The following FAM227A variants were observed in gnomAD, a reference collection of about 807,000 sequenced individuals.
The protein encoded by FAM227A is family with sequence similarity 227 member A.
A neutral mutation model predicts 74.7 loss-of-function variants in FAM227A; 80 were observed. The ratio of observed to expected loss-of-function variants is 1.07; its 90% confidence interval spans 0.89 to 1.29. FAM227A has a LOEUF of 1.29. FAM227A is among the 50% of genes most tolerant of loss of function. FAM227A has a pLI of 0.00. For missense variants in FAM227A, 654 were observed against 683.4 expected, an observed-to-expected ratio of 0.96 and a Z score of 0.48; for synonymous variants, 237 against 241.8, an observed-to-expected ratio of 0.98 and a Z score of 0.19.
intron 11 of FAM227A, among the ~76,000 whole-genome samples, chr22:38,608,556 G>A (rs1328037619): frequency 1.3e-5 from 2 of 151,554 alleles, no homozygotes; most frequent in Non-Finnish European, 2.9e-5. Context: ...TCAGCCTCCC[G>A]AGTAGCTAGG....
intron 2 of FAM227A, among the ~76,000 whole-genome samples, chr22:38,648,045 G>GTA (rs2092268646): frequency 6.6e-6 from 1 of 152,168 alleles, no homozygotes. Context: ...TGGCTTGAAG[G>GTA]TAAATGAGCT....
At position 38,597,235 on chromosome 22, in the gene FAM227A, G is replaced by A; in HGVS notation, c.1501C>T (p.His501Tyr). ...AAGTTGTCTTGCAGCTCCTTTAGAT[G>A]CTTGTCAAAATAATTCCATTCAGTC... is the stretch of plus-strand genomic sequence containing the variant. ...HWTEWNYFDK[H>Y]LKELQDNFSR... is the part of the protein sequence containing the mutation. The change falls in exon 15 of 17, where the codon CAT becomes TAT. Residue 501 changes from histidine (H) to tyrosine (Y), a missense_variant. Physicochemically the swap from His to Tyr is moderately conservative, Grantham distance 83 (BLOSUM62 2). Transcript: ENST00000535113. The A allele has an allele frequency of 3.9e-6, 6 of 1,552,258 alleles. No homozygotes were observed. Among genetic ancestry groups the A allele is most frequent in the South Asian group, 1.2e-5 (1 of 84,054 alleles).
chr22:38,652,792 G>C (rs1225815934), intron 1 of FAM227A, among the ~76,000 whole-genome samples: 1 of 149,502 alleles, frequency 6.7e-6, no homozygotes, highest in Non-Finnish European at 1.5e-5. Context: ...CAGGAGAATG[G>C]CGTGAACCTG....
chr22:38,590,981 C>T (rs2146142283), intron 16 of FAM227A, among the ~76,000 whole-genome samples: 1 of 152,200 alleles, frequency 6.6e-6, no homozygotes, highest in East Asian at 1.9e-4. Flanking sequence ...GATGGGGTTT[C>T]ACCATGTTGG....
rs760192624 is a variant in FAM227A, at chr22:38,605,329, C to T, written c.1146G>A (p.Leu382=). ...NTAKEHHCQT[L]VLKKPTQEVK... Reference sequence around the variant, plus strand: ...CTTCTTGCGTAGGTTTCTTCAAGACCAGGGTCTGACAATGATGCTCTGTCA... The same window carrying T: ...CTTCTTGCGTAGGTTTCTTCAAGACTAGGGTCTGACAATGATGCTCTGTCA... Residue 382 remains leucine, a synonymous_variant, in exon 13 of 17, where the codon CTG becomes CTA. Transcript: ENST00000535113. The T allele has an allele frequency of 1.9e-6, 3 of 1,547,654 alleles. No homozygotes were observed. Among genetic ancestry groups the T allele is most frequent in the Admixed American group, 3.9e-5 (2 of 50,982 alleles).
intron 11 of FAM227A, among the ~76,000 whole-genome samples, chr22:38,613,084 A>ATATATTATATATAAT (rs2091453703): frequency 1.1e-5 from 1 of 87,210 alleles, no homozygotes; most frequent in East Asian, 2.7e-4. Flanking sequence ...ATATATAATT[A>ATATATTATATATAAT]TATATATATA....
Position 38,579,676 on chromosome 22 carries a change from T to TTC in FAM227A, c.*6447_*6448dup, listed in dbSNP as rs1019225993. 1.3e-4 allele frequency: 20 copies of TTC among 152,330 alleles called. No homozygotes were observed. Among genetic ancestry groups the TTC allele is most frequent in the African/African-American group, 4.6e-4 (19 of 41,574 alleles). 9.4% of individuals were successfully genotyped at this position (152,330 alleles called of 1,614,324 possible). A position where few individuals can be genotyped will look rare whatever the true frequency, so the allele number is the denominator to read the frequency against. On this transcript the variant is annotated 3_prime_UTR_variant, in exon 17 of 17. Coordinates refer to ENST00000535113, the MANE Select transcript of FAM227A (RefSeq NM_001013647.2). The stretch of plus-strand genomic sequence containing the variant: ...TGTTTCACCTATACCTCCATCCACT[T>TTC]TCTCTCTCCCATATTATTTGAGTAC...
chr22:38,620,288 C>G lies in FAM227A; in HGVS notation c.962G>C (p.Arg321Thr). 6.5e-7 allele frequency: 1 copy of G among 1,550,308 alleles called. No individual in the cohort carries two copies. Among genetic ancestry groups the G allele is most frequent in the Middle Eastern group, 1.7e-4 (1 of 5,970 alleles). Residue 321 changes from arginine to threonine, a missense_variant, in exon 11 of 17, where the codon AGA (arginine) becomes ACA (threonine). Transcript: ENST00000535113. The stretch of plus-strand genomic sequence containing the variant: ...CTTACCAGCAAACAAAGAAAACTCT[C>G]TCCCTATAGAAGGGGAAAAGCTGTT... ...MLYRRRLTKG[R>T]EFSLFAGKRA...
At chr22:38,654,668 C>T (rs1438767895) in intron 1 of FAM227A, among the ~76,000 whole-genome samples, 5 of 150,792 alleles carry the variant, frequency 3.3e-5, no homozygotes, top group African/African-American at 9.8e-5. Flanking sequence ...CGGTGGCTCA[C>T]GCCTGTAATC....
intron 11 of FAM227A, among the ~76,000 whole-genome samples, chr22:38,613,107 A>G (rs1299812067): frequency 2.5e-4 from 23 of 91,888 alleles, no homozygotes; most frequent in African/African-American, 1.1e-3. Flanking sequence ...ATATATAATT[A>G]TATATATATT....
intron 6 of FAM227A, among the ~76,000 whole-genome samples, chr22:38,629,980 T>C (rs1380418855): frequency 2.9e-5 from 4 of 136,824 alleles, no homozygotes; most frequent in African/African-American, 1.1e-4. Flanking sequence ...AGCGTGCCTC[T>C]TCTTTAACCA....
chr22:38,606,350 G>A (rs558955421), intron 12 of FAM227A, among the ~76,000 whole-genome samples: 1 of 151,932 alleles, frequency 6.6e-6, no homozygotes, highest in Non-Finnish European at 1.5e-5. Flanking sequence ...AATTTTTTTT[G>A]TAAAGACAGG....
At chr22:38,654,394 T>C (rs999914221) in intron 1 of FAM227A, among the ~76,000 whole-genome samples, 10 of 150,960 alleles carry the variant, frequency 6.6e-5, no homozygotes, top group Non-Finnish European at 1.3e-4. Flanking sequence ...CCATCCAAAA[T>C]GTACCATCCA....
In FAM227A at chr22:38,644,499, G is replaced by A. The variant is rs970984829; in HGVS notation, c.225+1064C>T. 4.6e-5 allele frequency among the ~76,000 whole-genome samples: 7 copies of A among 151,518 alleles called. No homozygotes were observed. In the East Asian group the frequency reaches 1.4e-3, roughly 29 times the overall value. On this transcript the variant is annotated intron_variant, in intron 3 of 16. Coordinates refer to ENST00000535113, the MANE Select transcript of FAM227A (RefSeq NM_001013647.2). ...ATACATGTCATTAAAGAGGTGAACA[G>A]GTGGAGCACAGAGGACTGTTGGGAC...
chr22:38,594,733 C>T (rs5750632), intron 15 of FAM227A, among the ~76,000 whole-genome samples: 44,657 of 151,584 alleles, frequency 0.29, 6,639 homozygotes, highest in East Asian at 0.36. Flanking sequence ...GAGGCTGAGG[C>T]GAGCAGATCA....
chr22:38,652,298 C>G (rs1313001163), intron 1 of FAM227A, among the ~76,000 whole-genome samples: 1 of 151,392 alleles, frequency 6.6e-6, no homozygotes, highest in Admixed American at 6.6e-5. Flanking sequence ...AAAAACAACG[C>G]TGACTTTAGG....
At chr22:38,616,549 C>A (rs1002129022) in intron 11 of FAM227A, among the ~76,000 whole-genome samples, 1 of 151,956 alleles carries the variant, frequency 6.6e-6, no homozygotes, top group African/African-American at 2.4e-5. Flanking sequence ...GCCTGTAATC[C>A]CACCTACTCG....
At chr22:38,621,435 T>TA (rs2145556590) in intron 10 of FAM227A, among the ~76,000 whole-genome samples, 1 of 148,896 alleles carries the variant, frequency 6.7e-6, no homozygotes, top group Non-Finnish European at 1.5e-5. Context: ...AGGGAAATCG[T>TA]ATCTATGAAG....
At chr22:38,601,702 T>C (rs2091182475) in intron 13 of FAM227A, among the ~76,000 whole-genome samples, 1 of 151,516 alleles carries the variant, frequency 6.6e-6, no homozygotes, top group Non-Finnish European at 1.5e-5. Flanking sequence ...AGACAAGGGG[T>C]GAGAAGTGAG....
Sources: allele counts gnomAD v4.1 joint callset (sites outside exome capture counted in the v4.1 genomes callset), GRCh38; gene constraint gnomAD v4.1.1; transcripts MANE v1.5; gene names NCBI Gene and HGNC (gene_info 2026-07-23, HGNC 2026-07-21).